Variants in PDGFD observed in about 807,000 individuals in gnomAD.
PDGFD encodes platelet-derived growth factor D.
A neutral mutation model predicts 44.7 loss-of-function variants in PDGFD; 30 were observed. The ratio of observed to expected loss-of-function variants is 0.67; its 90% confidence interval spans 0.50 to 0.91. The LOEUF (loss-of-function observed/expected upper bound fraction) is 0.91. PDGFD is among the 40% of genes least tolerant of loss of function. The pLI, the probability that PDGFD is intolerant of heterozygous loss-of-function variation, is 0.00. For synonymous variants in PDGFD, 173 were observed against 168.4 expected (o/e 1.03, Z -0.21); for missense variants, 445 against 457.8 (o/e 0.97, Z 0.25).
intron 6 of PDGFD, among the ~76,000 whole-genome samples, chr11:103,922,729 C>CT (rs925063370): frequency 9.2e-5 from 14 of 151,830 alleles, no homozygotes; most frequent in South Asian, 4.2e-4. Context: ...AAAATAATTC[C>CT]TTTTTTTTAT....
intron 1 of PDGFD, among the ~76,000 whole-genome samples, chr11:104,158,896 T>C (rs1327289216): frequency 6.6e-6 from 1 of 151,954 alleles, no homozygotes; most frequent in Non-Finnish European, 1.5e-5. Flanking sequence ...GGCTCAAGCC[T>C]GTAATCCCAG....
chr11:104,055,694 G>A (rs950373832), intron 1 of PDGFD, among the ~76,000 whole-genome samples: 3 of 152,178 alleles, frequency 2.0e-5, no homozygotes, highest in African/African-American at 7.2e-5. Context: ...GTGCTGAAGT[G>A]ACATAATAGA....
intron 1 of PDGFD, among the ~76,000 whole-genome samples, chr11:104,074,882 C>T (rs143291916): frequency 9.5e-4 from 144 of 151,956 alleles, no homozygotes; most frequent in African/African-American, 3.2e-3. Context: ...CAAAAGTCAC[C>T]GTAAAACTAG....
At chr11:104,003,837 G>A (rs1283209983) in intron 1 of PDGFD, among the ~76,000 whole-genome samples, 2 of 152,132 alleles carry the variant, frequency 1.3e-5, no homozygotes, top group Admixed American at 1.3e-4. Flanking sequence ...GGTGAAGCTT[G>A]GTGCTGGCAG....
chr11:104,108,891 G>C (rs888340824), intron 1 of PDGFD, among the ~76,000 whole-genome samples: 8 of 152,150 alleles, frequency 5.3e-5, no homozygotes, highest in African/African-American at 1.9e-4. Flanking sequence ...ATGAGTTCAT[G>C]TCCTTTGTAG....
chr11:104,145,379 A>G (rs1208088721), intron 1 of PDGFD, among the ~76,000 whole-genome samples: 1 of 152,246 alleles, frequency 6.6e-6, no homozygotes, highest in Non-Finnish European at 1.5e-5. Flanking sequence ...GACATAGTTG[A>G]AACAGTACTG....
At chr11:104,156,081 G>C (rs1324147539) in intron 1 of PDGFD, among the ~76,000 whole-genome samples, 3 of 152,176 alleles carry the variant, frequency 2.0e-5, no homozygotes, top group Non-Finnish European at 2.9e-5. Context: ...AGGTAAGTAT[G>C]TGAGGTAATG....
chr11:104,060,264 T>C (rs1235489415), intron 1 of PDGFD, among the ~76,000 whole-genome samples: 1 of 152,234 alleles, frequency 6.6e-6, no homozygotes, highest in Non-Finnish European at 1.5e-5. Context: ...TCAGAGAGGT[T>C]CCAGGTGTCC....
At chr11:103,941,808 T>G (rs2134321664) in intron 5 of PDGFD, among the ~76,000 whole-genome samples, 1 of 152,206 alleles carries the variant, frequency 6.6e-6, no homozygotes, top group Non-Finnish European at 1.5e-5. Context: ...GAAGACAGAG[T>G]CAGCTTTTAT....
At chr11:104,090,213 A>T (rs141408882) in intron 1 of PDGFD, among the ~76,000 whole-genome samples, 16 of 152,332 alleles carry the variant, frequency 1.1e-4, no homozygotes, top group Admixed American at 2.0e-4. Context: ...TGAATCTTAC[A>T]GAAATAGATT....
At chr11:103,930,567 A>G (rs1170571720) in intron 5 of PDGFD, among the ~76,000 whole-genome samples, 1 of 142,888 alleles carries the variant, frequency 7.0e-6, no homozygotes, top group Non-Finnish European at 1.5e-5. Context: ...AAAAAAAAAA[A>G]CTTGTCCACA....
intron 1 of PDGFD, among the ~76,000 whole-genome samples, chr11:104,088,926 GA>G (rs5794292): frequency 8.7e-5 from 13 of 149,806 alleles, no homozygotes; most frequent in East Asian, 2.0e-4. Context: ...TGGGATGGGG[GA>G]AAAAAAAAAC....
chr11:103,967,915 T>C (rs961070959), intron 3 of PDGFD, among the ~76,000 whole-genome samples: 1 of 152,212 alleles, frequency 6.6e-6, no homozygotes, highest in Non-Finnish European at 1.5e-5. Context: ...AAACAGTTTG[T>C]AATTGTTGCT....
chr11:103,918,243 T>C (rs569289835), intron 6 of PDGFD, among the ~76,000 whole-genome samples: 13 of 152,306 alleles, frequency 8.5e-5, no homozygotes, highest in Admixed American at 2.6e-4. Flanking sequence ...TGCAATTCTA[T>C]TGCACTTACA....
intron 6 of PDGFD, among the ~76,000 whole-genome samples, chr11:103,915,125 G>A (rs10791650): frequency 6.6e-6 from 1 of 151,800 alleles, no homozygotes; most frequent in African/African-American, 2.4e-5. Flanking sequence ...AGAAATAAAG[G>A]GTATTCAAAT....
At chr11:103,962,688 A>G (rs1858956556) in intron 3 of PDGFD, among the ~76,000 whole-genome samples, 1 of 152,192 alleles carries the variant, frequency 6.6e-6, no homozygotes, top group African/African-American at 2.4e-5. Flanking sequence ...ATTGAATTAC[A>G]TATGGAACAC....
At chr11:104,051,836 T>C (rs1860543077) in intron 1 of PDGFD, among the ~76,000 whole-genome samples, 1 of 152,128 alleles carries the variant, frequency 6.6e-6, no homozygotes, top group Admixed American at 6.5e-5. Flanking sequence ...AAAAAAAAAT[T>C]ATGGTACAAT....
At chr11:103,999,922 T>C (rs2134366036) in intron 2 of PDGFD, 129 bp downstream of exon 2, 2 of 749,440 alleles carry the variant, frequency 2.7e-6, no homozygotes, top group East Asian at 5.4e-5. Flanking sequence ...TTAGGCTTTT[T>C]GAAAAAGAAG....
intron 3 of PDGFD, among the ~76,000 whole-genome samples, chr11:103,960,857 G>T (rs1235141432): frequency 1.5e-5 from 2 of 136,724 alleles, no homozygotes; most frequent in Non-Finnish European, 3.3e-5. Context: ...ACATGGTAGA[G>T]AGAGAGAGAG....
Sources: gnomAD v4.1 joint callset for allele counts (sites outside exome capture counted in the v4.1 genomes callset) on GRCh38, gnomAD v4.1.1 for gene constraint, MANE v1.5 for transcripts, NCBI Gene and HGNC (gene_info 2026-07-23, HGNC 2026-07-21) for gene names.